Variants in CEMIP observed in about 807,000 individuals in gnomAD.
The protein encoded by CEMIP is cell migration-inducing and hyaluronan-binding protein.
CEMIP carries 105 observed loss-of-function variants against 156.9 expected under a neutral mutation model. The ratio of observed to expected loss-of-function variants is 0.67; its 90% CI spans 0.57 to 0.79. The LOEUF is 0.79. Among genes scored for constraint, CEMIP ranks in the 30% least tolerant of loss-of-function variants. CEMIP has a pLI of 0.00. For synonymous variants in CEMIP, 676 were observed against 668.4 expected, an observed-to-expected ratio of 1.01 and a Z score of -0.17; for missense variants, 1,457 against 1,769.4, an observed-to-expected ratio of 0.82 and a Z score of 3.17.
chr15:80,887,980 A>G (rs920668659), intron 8 of CEMIP, among the ~76,000 whole-genome samples: 1 of 152,214 alleles, frequency 6.6e-6, no homozygotes, highest in Non-Finnish European at 1.5e-5. Context: ...TTCCCTTTTC[A>G]TGGAAATCTT....
At chr15:80,871,196 A>G (rs1256002335) in intron 1 of CEMIP, among the ~76,000 whole-genome samples, 4 of 152,172 alleles carry the variant, frequency 2.6e-5, no homozygotes, top group Admixed American at 2.0e-4. Context: ...TTCTTGGGAC[A>G]TGTGTCTTCA....
At chr15:80,922,712 C>T (rs1338626277) in intron 17 of CEMIP, among the ~76,000 whole-genome samples, 4 of 152,154 alleles carry the variant, frequency 2.6e-5, no homozygotes, top group Non-Finnish European at 5.9e-5. Flanking sequence ...AAGCACCTGC[C>T]GTTGTGTCCA....
At chr15:80,879,599 T>A (rs1663741794) in intron 4 of CEMIP, 117 bp from the exon 5 acceptor site, 1 of 1,157,922 alleles carries the variant, frequency 8.6e-7, no homozygotes, top group African/African-American at 1.5e-5. Context: ...TTGGAAGATG[T>A]GCCTTTTTGC....
intron 24 of CEMIP, 77 bp from the exon 25 acceptor site, chr15:80,937,717 C>T: frequency 7.0e-7 from 1 of 1,428,794 alleles, no homozygotes; most frequent in Admixed American, 1.8e-5. Context: ...TTTTTGGTCT[C>T]TTTCTCCAAG....
chr15:80,887,824 A>G, intron 8 of CEMIP, 60 bp downstream of exon 8: 1 of 1,368,034 alleles, frequency 7.3e-7, no homozygotes, highest in East Asian at 2.3e-5. Context: ...CAAGAGGTGC[A>G]GGGCTTTTCT....
chr15:80,818,305 A>G (rs776677555), intron 1 of CEMIP, among the ~76,000 whole-genome samples: 1 of 152,166 alleles, frequency 6.6e-6, no homozygotes, highest in African/African-American at 2.4e-5. Flanking sequence ...ACTGGCTCTT[A>G]AGACTTCACT....
At chr15:80,835,309 G>A (rs1322151343) in intron 1 of CEMIP, among the ~76,000 whole-genome samples, 1 of 152,172 alleles carries the variant, frequency 6.6e-6, no homozygotes, top group African/African-American at 2.4e-5. Flanking sequence ...GTCAGGAAGG[G>A]CTTCATGGAG....
At chr15:80,813,254 G>A (rs1357885345) in intron 1 of CEMIP, among the ~76,000 whole-genome samples, 2 of 152,000 alleles carry the variant, frequency 1.3e-5, no homozygotes, top group Non-Finnish European at 2.9e-5. Context: ...TCATGCAGAT[G>A]TACTTAGAAC....
chr15:80,797,869 C>G (rs1345777785), intron 1 of CEMIP, among the ~76,000 whole-genome samples: 1 of 152,228 alleles, frequency 6.6e-6, no homozygotes, highest in African/African-American at 2.4e-5. Flanking sequence ...GCCGCCTCCA[C>G]TGTGTTTTAG....
intron 1 of CEMIP, among the ~76,000 whole-genome samples, chr15:80,825,108 C>T (rs1188088472): frequency 6.6e-6 from 1 of 152,196 alleles, no homozygotes; most frequent in Non-Finnish European, 1.5e-5. Context: ...AGCCTGCTCA[C>T]ATCTTACCTA....
intron 1 of CEMIP, among the ~76,000 whole-genome samples, chr15:80,871,529 A>G (rs567302205): frequency 6.6e-6 from 1 of 152,292 alleles, no homozygotes; most frequent in South Asian, 2.1e-4. Context: ...GGTCCACAGA[A>G]GGAAATGTCT....
chr15:80,870,085 G>T (rs1049921461), intron 1 of CEMIP, among the ~76,000 whole-genome samples: 1 of 152,152 alleles, frequency 6.6e-6, no homozygotes. Flanking sequence ...TTTTAAATGG[G>T]GTACAAGTGG....
chr15:80,790,371 C>T (rs1896050133), intron 1 of CEMIP, among the ~76,000 whole-genome samples: 1 of 152,194 alleles, frequency 6.6e-6, no homozygotes, highest in South Asian at 2.1e-4. Flanking sequence ...GTCAATTTCT[C>T]AGAGGTCTGT....
At chr15:80,860,363 C>T (rs962046381) in intron 1 of CEMIP, among the ~76,000 whole-genome samples, 1 of 152,190 alleles carries the variant, frequency 6.6e-6, no homozygotes, top group African/African-American at 2.4e-5. Context: ...TATCACATTA[C>T]CTGTCTTCTC....
At chr15:80,912,616 A>G (rs1900112671) in intron 14 of CEMIP, among the ~76,000 whole-genome samples, 1 of 152,220 alleles carries the variant, frequency 6.6e-6, no homozygotes, top group African/African-American at 2.4e-5. Context: ...TAAGCCAGAC[A>G]GACAGCAGGG....
intron 1 of CEMIP, among the ~76,000 whole-genome samples, chr15:80,837,402 G>C (rs1430111459): frequency 2.6e-5 from 4 of 152,186 alleles, no homozygotes; most frequent in African/African-American, 4.8e-5. Context: ...AGTTCAAAAT[G>C]ACAAGACGCA....
intron 1 of CEMIP, among the ~76,000 whole-genome samples, chr15:80,822,454 G>A (rs561520181): frequency 8.5e-5 from 13 of 152,326 alleles, no homozygotes; most frequent in Admixed American, 3.3e-4. Flanking sequence ...TCTCTGAAAC[G>A]AGGGCCAGGT....
intron 1 of CEMIP, among the ~76,000 whole-genome samples, chr15:80,849,409 G>C (rs1897654110): frequency 6.6e-6 from 1 of 152,226 alleles, no homozygotes; most frequent in Non-Finnish European, 1.5e-5. Flanking sequence ...CTTCCAGCCA[G>C]CTGGGAAATC....
intron 10 of CEMIP, 94 bp from the exon 11 acceptor site, chr15:80,894,896 A>G: frequency 6.8e-7 from 1 of 1,476,142 alleles, no homozygotes; most frequent in Non-Finnish European, 9.5e-7. Context: ...GGACAATTTT[A>G]GACTTCTGAG....
Sources: allele counts gnomAD v4.1 joint callset (sites outside exome capture counted in the v4.1 genomes callset), GRCh38; gene constraint gnomAD v4.1.1; transcripts MANE v1.5; gene names NCBI Gene and HGNC (gene_info 2026-07-23, HGNC 2026-07-21).